PEX1: variants seen among roughly 807,000 people sequenced by gnomAD.
The protein encoded by PEX1 is peroxisomal biogenesis factor 1.
A neutral mutation model predicts 152.5 loss-of-function variants in PEX1; 97 were observed. The observed-to-expected ratio is 0.64, with a 90% CI of 0.54 to 0.75. PEX1 has a LOEUF of 0.75. Ranked by LOEUF, PEX1 falls within the 30% of genes least tolerant of loss-of-function variation. The probability of loss-of-function intolerance (pLI) is 0.00; values close to 1 mark genes in which losing one functional copy is unlikely to be tolerated. For missense variants in PEX1, 1,357 were observed against 1,516.3 expected (o/e 0.89, Z 1.74); for synonymous variants, 485 against 531.6 (o/e 0.91, Z 1.21).
chr7:92,491,430 C>T lies in PEX1; in HGVS notation c.3280G>A (p.Asp1094Asn), dbSNP rs1053411287. ...MVFLNHSSGS[D>N]DSAGDGECGL... is the part of the protein sequence containing the mutation. Reference sequence around the variant, plus strand: ...CATTCTCCATCTCCAGCTGAATCGTCAGAGCCACTGCTATGGTTAAGAAAG... The same window carrying T: ...CATTCTCCATCTCCAGCTGAATCGTTAGAGCCACTGCTATGGTTAAGAAAG... The change falls in exon 21 of 24, where the codon GAC (aspartate) becomes AAC (asparagine). Residue 1094 changes from aspartate to asparagine, a missense_variant. Coordinates refer to ENST00000248633, the MANE Select transcript of PEX1 (RefSeq NM_000466.3). 5 of 1,613,816 alleles carry T rather than the reference C, an allele frequency of 3.1e-6. No individual in the cohort carries two copies. Among genetic ancestry groups the T allele is most frequent in the Middle Eastern group, 1.6e-4 (1 of 6,084 alleles).
rs1562866173 is a variant in PEX1, at chr7:92,517,406, A to T, written c.1109T>A (p.Ile370Asn). 1 of 1,595,156 alleles carries T rather than the reference A, an allele frequency of 6.3e-7. No individual in the cohort carries two copies. Among genetic ancestry groups the T allele is most frequent in the Non-Finnish European group, 8.6e-7 (1 of 1,165,388 alleles). Residue 370 changes from isoleucine to asparagine, a missense_variant, in exon 5 of 24, where the codon ATT becomes AAT. Ile to Asn is a moderately radical substitution (Grantham distance 149, BLOSUM62 -3). Transcript: ENST00000248633. ...QMSEPLDQKK[I>N]RSDHNEEDEK... ...ATCTTCTTCATTATGATCTGACCTA[A>T]TTTTTTTTTGATCTAGTGGCTCTGA...
At position 92,517,952 on chromosome 7, in the gene PEX1, G is replaced by A. The variant is rs1792875903; in HGVS notation, c.563C>T (p.Thr188Ile). The A allele has an allele frequency of 6.2e-7, 1 of 1,603,146 alleles. No individual in the cohort carries two copies. Among genetic ancestry groups the A allele is most frequent in the Non-Finnish European group, 8.5e-7 (1 of 1,175,928 alleles). Residue 188 changes from threonine (T) to isoleucine (I), a missense_variant, in exon 5 of 24, where the codon ACA (threonine) becomes ATA (isoleucine). Coordinates refer to ENST00000248633, the MANE Select transcript of PEX1 (RefSeq NM_000466.3). ...ATATTCAGCATCAGCTTTTGAAAAT[G>A]TATTCTCTTTGGCTCGGCGTGTCTT... ...QPKTRRAKENTFSKADAEYKK... is the reference protein window; with the variant it reads ...QPKTRRAKENIFSKADAEYKK...
intron 5 of PEX1, among the ~76,000 whole-genome samples, chr7:92,516,507 G>A: frequency 6.6e-6 from 1 of 151,646 alleles, no homozygotes; most frequent in East Asian, 1.9e-4. Flanking sequence ...AAGGTCACAG[G>A]TAAAACTGTT....
chr7:92,492,936 T>G lies in PEX1; in HGVS notation c.3207+17A>C, dbSNP rs1173757788. ...ATCACTCATAAAATGTCATAACAAC[T>G]TCCTCATATAACTTGCCTGGAGTCC... On this transcript the variant is annotated intron_variant, in intron 20 of 23. Coordinates refer to ENST00000248633, the MANE Select transcript of PEX1 (RefSeq NM_000466.3). 6.3e-7 allele frequency: 1 copy of G among 1,598,064 alleles called. No homozygotes were observed. The highest frequency in any genetic ancestry group is 1.3e-5 in the African/African-American group (1 of 74,728).
intron 16 of PEX1, among the ~76,000 whole-genome samples, chr7:92,497,503 A>G (rs1791710264): frequency 1.3e-5 from 2 of 152,010 alleles, no homozygotes; most frequent in South Asian, 2.1e-4. Context: ...CAACTGAAAA[A>G]CCTTTCGAAA....
intron 1 of PEX1, among the ~76,000 whole-genome samples, chr7:92,522,791 A>C (rs1793108349): frequency 2.6e-5 from 4 of 152,234 alleles, no homozygotes; most frequent in Admixed American, 2.6e-4. Flanking sequence ...AACCAGATGG[A>C]GTATACAATC....
chr7:92,501,772 CAAAT>C, intron 14 of PEX1, 99 bp from the exon 15 acceptor site: 7 of 1,359,384 alleles, frequency 5.1e-6, no homozygotes, highest in East Asian at 2.3e-5. Flanking sequence ...ATTTTCTACT[CAAAT>C]AACTGCTTAT....
chr7:92,528,208 G>C, intron 1 of PEX1, 99 bp downstream of exon 1: 1 of 1,498,992 alleles, frequency 6.7e-7, no homozygotes, highest in Non-Finnish European at 9.0e-7. Flanking sequence ...CGCTTCGGCG[G>C]CGCCCGGGTG....
In PEX1 at chr7:92,489,430, T is replaced by TA. The variant is rs775743560; in HGVS notation, c.3637-8dup. 40 of 1,611,112 alleles carry TA rather than the reference T, an allele frequency of 2.5e-5. No individual in the cohort carries two copies. Among genetic ancestry groups the TA allele is most frequent in the South Asian group, 4.4e-5 (4 of 90,894 alleles). On this transcript the variant is annotated splice_region_variant and splice_polypyrimidine_tract_variant and intron_variant, in intron 22 of 23. Coordinates refer to ENST00000248633, the MANE Select transcript of PEX1 (RefSeq NM_000466.3). ...GGTTCATGGATTCGTCCTCCTTAAG[T>TA]AAAAAAAGAAATTGACGAAGAGTTA...
rs762651905 is a variant in PEX1, at chr7:92,517,625, A to G, written c.890T>C (p.Ile297Thr). Residue 297 changes from isoleucine (I) to threonine (T), a missense_variant, in exon 5 of 24, where the codon ATA (isoleucine) becomes ACA (threonine). By Grantham distance (89) the Ile-to-Thr change is moderately conservative. Coordinates refer to ENST00000248633, the MANE Select transcript of PEX1 (RefSeq NM_000466.3). ...AACAGAGGTTGCTGACGCGTTATAT[A>G]TACTAGGAGGTTGAGATTTGCATAC... The part of the protein sequence containing the change: ...FRVCKSQPPS[I>T]YNASATSVFH... The G allele has an allele frequency of 1.9e-6, 3 of 1,613,962 alleles. No individual in the cohort carries two copies. In the African/African-American group the frequency reaches 4.0e-5, roughly 22 times the overall value.
At position 92,519,054 on chromosome 7, in the gene PEX1, C is replaced by A. The variant is rs1792936062; in HGVS notation, c.298G>T (p.Val100Leu). The change falls in exon 3 of 24, where the codon GTG (valine) becomes TTG (leucine). Residue 100 changes from valine to leucine, a missense_variant. Coordinates refer to ENST00000248633, the MANE Select transcript of PEX1 (RefSeq NM_000466.3). ...GQVFLKPCSHVVSCQQVEVEP... is the reference protein window; with the variant it reads ...GQVFLKPCSHLVSCQQVEVEP... ...ACCTCAACTTGTTGACAAGATACCA[C>A]ATGGGAACATGGCTTGAGAAATACC... is the stretch of plus-strand genomic sequence containing the variant. 6 of 1,607,728 alleles carry A rather than the reference C, an allele frequency of 3.7e-6. No individual in the cohort carries two copies. The East Asian group carries it at 1.3e-4, about 36-fold the overall frequency.
chr7:92,523,525 C>A (rs533540110), intron 1 of PEX1, among the ~76,000 whole-genome samples: 1 of 152,046 alleles, frequency 6.6e-6, no homozygotes, highest in African/African-American at 2.4e-5. Context: ...CACTATGTTG[C>A]TTAGGCTGGT....
intron 15 of PEX1, among the ~76,000 whole-genome samples, chr7:92,500,275 G>A (rs1791864264): frequency 6.6e-6 from 1 of 152,176 alleles, no homozygotes; most frequent in African/African-American, 2.4e-5. Flanking sequence ...ATAATCGACT[G>A]CTTCTCAAGT....
intron 9 of PEX1, chr7:92,507,372 G>A (rs1562858288): frequency 9.8e-6 from 4 of 408,730 alleles, no homozygotes; most frequent in Non-Finnish European, 1.8e-5. Flanking sequence ...CCGAGTAGCT[G>A]GGACTTCAGG....
At chr7:92,500,819 T>C (rs1157512534) in intron 15 of PEX1, among the ~76,000 whole-genome samples, 2 of 152,194 alleles carry the variant, frequency 1.3e-5, no homozygotes, top group Non-Finnish European at 1.5e-5. Context: ...AATCTACATT[T>C]GTCTCCTTTA....
At chr7:92,516,837 T>C (rs1415183986) in intron 5 of PEX1, among the ~76,000 whole-genome samples, 1 of 152,098 alleles carries the variant, frequency 6.6e-6, no homozygotes, top group Non-Finnish European at 1.5e-5. Context: ...GGTTACCTCA[T>C]GCCATGGATC....
At position 92,526,121 on chromosome 7, in the gene PEX1, T is replaced by TA. The variant is rs570831344; in HGVS notation, c.129+2185dup. On this transcript the variant is annotated intron_variant, in intron 1 of 23. Transcript: ENST00000248633. The stretch of plus-strand genomic sequence containing the variant: ...CTAGGAATGCCAGTTTCCTTACATG[T>TA]AAAAGTACAGAAACGACCTAGATGC... 2.5e-3 allele frequency among the ~76,000 whole-genome samples: 377 copies of TA among 152,306 alleles called. 3 individuals are homozygous for TA. Among genetic ancestry groups the TA allele is most frequent in the Non-Finnish European group, 4.1e-3 (277 of 68,022 alleles).
chr7:92,504,783 G>C lies in PEX1; in HGVS notation c.2020C>G (p.Pro674Ala). Residue 674 changes from proline (P) to alanine (A), a missense_variant, in exon 12 of 24, where the codon CCG becomes GCG. Physicochemically the swap from Pro to Ala is conservative, Grantham distance 27. Coordinates refer to ENST00000248633, the MANE Select transcript of PEX1 (RefSeq NM_000466.3). ...LDLIAGLPAV[P>A]EHEHSPDAVQ... ...GCATCAGGACTGTGCTCATGTTCCG[G>C]GACAGCAGGCAGTCCAGCAATGAGG... The C allele has an allele frequency of 6.2e-7, 1 of 1,614,164 alleles. No homozygotes were observed. Among genetic ancestry groups the C allele is most frequent in the Non-Finnish European group, 8.5e-7 (1 of 1,180,012 alleles).
chr7:92,497,453 C>CA (rs200588226), intron 16 of PEX1, among the ~76,000 whole-genome samples: 11,366 of 118,688 alleles, frequency 0.096, 648 homozygotes, highest in East Asian at 0.34. Flanking sequence ...GGGAAAAGGC[C>CA]AAAAAAAAAA....
Sources: allele counts gnomAD v4.1 joint callset (sites outside exome capture counted in the v4.1 genomes callset), GRCh38; gene constraint gnomAD v4.1.1; transcripts MANE v1.5; gene names NCBI Gene and HGNC (gene_info 2026-07-23, HGNC 2026-07-21).